Variants in MAP7D2 observed in about 807,000 individuals in gnomAD.
MAP7D2 encodes MAP7 domain-containing protein 2.
MAP7D2 carries 33 observed loss-of-function variants against 63.5 expected under a neutral mutation model. The ratio of observed to expected loss-of-function variants is 0.52; its 90% CI spans 0.39 to 0.70. MAP7D2 has a LOEUF of 0.70. MAP7D2 is among the 30% of genes least tolerant of loss of function. MAP7D2 has a pLI of 0.00. For synonymous variants in MAP7D2, 224 were observed against 223.7 expected (o/e 1.00, Z -0.01); for missense variants, 626 against 604.0 (o/e 1.04, Z -0.38).
chrX:20,108,166 C>A (rs1191311233), intron 1 of MAP7D2, among the ~76,000 whole-genome samples: 1 of 110,875 alleles, frequency 9.0e-6, no homozygotes, highest in African/African-American at 3.3e-5. Flanking sequence ...GGAGCACAAT[C>A]TCTTTATTAT....
intron 1 of MAP7D2, among the ~76,000 whole-genome samples, chrX:20,087,532 T>C (rs1415930103): frequency 8.9e-6 from 1 of 111,910 alleles, no homozygotes; most frequent in Non-Finnish European, 1.9e-5. Context: ...AAACCTCTTC[T>C]CTTTATAAAT....
At chrX:20,032,665 T>C (rs757228171) in intron 8 of MAP7D2, among the ~76,000 whole-genome samples, 4 of 112,370 alleles carry the variant, frequency 3.6e-5, no homozygotes, top group Non-Finnish European at 7.5e-5. Context: ...GATCTACCTC[T>C]GGAAGTGATT....
chrX:20,048,794 T>C (rs1476115483), intron 6 of MAP7D2, among the ~76,000 whole-genome samples: 2 of 108,912 alleles, frequency 1.8e-5, no homozygotes, highest in Admixed American at 2.0e-4. Context: ...CCAGGCATGG[T>C]GGTGTGTGCC....
intron 1 of MAP7D2, among the ~76,000 whole-genome samples, chrX:20,072,903 G>A (rs7878898): frequency 0.051 from 5,758 of 112,178 alleles, 368 homozygotes; most frequent in African/African-American, 0.18. Context: ...TCTTTTGGGA[G>A]TGATGAAAAT....
intron 1 of MAP7D2, among the ~76,000 whole-genome samples, chrX:20,102,448 T>C (rs1341525647): frequency 9.1e-6 from 1 of 110,351 alleles, no homozygotes; most frequent in Admixed American, 9.7e-5. Flanking sequence ...TGCTGAACAT[T>C]CTGAGCGGGA....
At position 20,094,516 on chromosome X, in the gene MAP7D2, GTATATATATATATATATATATATA is replaced by G. The variant is rs1208747143; in HGVS notation, c.130+22210_130+22233del. On this transcript the variant is annotated intron_variant, in intron 1 of 16. Coordinates refer to ENST00000379643, the MANE Select transcript of MAP7D2 (RefSeq NM_001168465.2). ...TATATATATATATATATATATATATGTATATATATATATATATATATATATGTATATATATATATATATATATAT... is the reference window on the plus strand; with the variant it reads ...TATATATATATATATATATATATATGTGTATATATATATATATATATATAT... 8.4e-3 allele frequency among the ~76,000 whole-genome samples: 100 copies of G among 11,884 alleles called. 5 individuals are homozygous for G. The highest frequency in any genetic ancestry group is 0.059 in the African/African-American group (93 of 1,566). The allele number at this position is 11,884 out of a possible 115,157, so 10.3% of individuals were successfully genotyped here. A position where few individuals can be genotyped will look rare whatever the true frequency, so the allele number is the denominator to read the frequency against.
intron 5 of MAP7D2, among the ~76,000 whole-genome samples, chrX:20,051,429 G>A (rs2064945496): frequency 9.0e-6 from 1 of 110,524 alleles, no homozygotes; most frequent in African/African-American, 3.3e-5. Flanking sequence ...ACATGCGCCT[G>A]TAGTCCCAGC....
chrX:20,020,576 G>A (rs962195373), intron 10 of MAP7D2, among the ~76,000 whole-genome samples: 2 of 111,498 alleles, frequency 1.8e-5, no homozygotes, highest in African/African-American at 6.5e-5. Flanking sequence ...GCTACATAAG[G>A]CTGCATGACC....
chrX:20,084,942 A>T (rs1328927948), intron 1 of MAP7D2, among the ~76,000 whole-genome samples: 2 of 111,473 alleles, frequency 1.8e-5, no homozygotes, highest in African/African-American at 3.3e-5. Flanking sequence ...AAACTGCACC[A>T]ACCTTCCTTT....
intron 1 of MAP7D2, among the ~76,000 whole-genome samples, chrX:20,098,726 A>G (rs890804138): frequency 5.3e-5 from 6 of 112,408 alleles, no homozygotes; most frequent in African/African-American, 1.3e-4. Context: ...AGCTCACCCC[A>G]TATTCTTTCT....
At chrX:20,066,173 C>T (rs182438311) in intron 1 of MAP7D2, among the ~76,000 whole-genome samples, 26 of 111,898 alleles carry the variant, frequency 2.3e-4, no homozygotes, top group Admixed American at 5.6e-4. Context: ...CCACCCGCCT[C>T]GGCCTCCCAA....
intron 8 of MAP7D2, among the ~76,000 whole-genome samples, chrX:20,031,077 T>G (rs1247809418): frequency 9.1e-6 from 1 of 109,783 alleles, no homozygotes; most frequent in Non-Finnish European, 1.9e-5. Context: ...GATCACGAGG[T>G]CAGGAGATCG....
chrX:20,076,597 A>C (rs1054470928), intron 1 of MAP7D2, among the ~76,000 whole-genome samples: 1 of 109,884 alleles, frequency 9.1e-6, no homozygotes, highest in Non-Finnish European at 1.9e-5. Context: ...GCTACTTGGG[A>C]GGCTGAGGCA....
At chrX:20,102,149 G>C (rs1200413447) in intron 1 of MAP7D2, among the ~76,000 whole-genome samples, 1 of 111,918 alleles carries the variant, frequency 8.9e-6, no homozygotes, top group Non-Finnish European at 1.9e-5. Flanking sequence ...TACATAATCA[G>C]ACTGTGCACT....
rs1213257795 is a variant in MAP7D2 at position 20,038,290 on chromosome X, T to C, written c.1007+4212A>G. 2.7e-5 allele frequency among the ~76,000 whole-genome samples: 3 copies of C among 112,162 alleles called. No individual in the cohort carries two copies. In the East Asian group the frequency reaches 8.4e-4, roughly 31 times the overall value. On this transcript the variant is annotated intron_variant, in intron 8 of 16. Coordinates refer to ENST00000379643, the MANE Select transcript of MAP7D2 (RefSeq NM_001168465.2). ...CCATGGAATGCCTTATCCACCTTCA[T>C]GGTATTCCACATAGCATTGCCTCTG...
At chrX:20,086,550 A>G (rs761779964) in intron 1 of MAP7D2, among the ~76,000 whole-genome samples, 1 of 111,876 alleles carries the variant, frequency 8.9e-6, no homozygotes, top group South Asian at 3.7e-4. Flanking sequence ...AGTGGTTGGC[A>G]TCGTATGCGG....
Position 20,050,819 on chromosome X carries a change from T to G in MAP7D2, c.718+5A>C. ...CCTTGGTGTTACCAGCTTAGCCTCT[T>G]TTACCTGAATCATTGGCCTGCCCAG... On this transcript the variant is annotated splice_donor_5th_base_variant and intron_variant, in intron 6 of 16. Coordinates refer to ENST00000379643, the MANE Select transcript of MAP7D2 (RefSeq NM_001168465.2). 1 of 1,182,173 alleles carries G rather than the reference T, an allele frequency of 8.5e-7. No individual in the cohort carries two copies. Among genetic ancestry groups the G allele is most frequent in the Non-Finnish European group, 1.1e-6 (1 of 882,309 alleles).
intron 8 of MAP7D2, among the ~76,000 whole-genome samples, chrX:20,027,633 A>G (rs1352920985): frequency 9.1e-6 from 1 of 109,822 alleles, no homozygotes; most frequent in Non-Finnish European, 1.9e-5. Context: ...CCCCTTAGGG[A>G]CAAGATCTCC....
intron 1 of MAP7D2, among the ~76,000 whole-genome samples, chrX:20,095,190 T>C (rs1047480367): frequency 8.9e-6 from 1 of 112,052 alleles, no homozygotes; most frequent in Middle Eastern, 4.6e-3. Context: ...GTGAGTTATA[T>C]CTCAACAATG....
Sources: gnomAD v4.1 joint callset for allele counts (sites outside exome capture counted in the v4.1 genomes callset) on GRCh38, gnomAD v4.1.1 for gene constraint, MANE v1.5 for transcripts, NCBI Gene and HGNC (gene_info 2026-07-23, HGNC 2026-07-21) for gene names.